XKR8: variants seen among roughly 807,000 people sequenced by gnomAD.
XKR8 encodes the protein XK-related protein 8.
Under a neutral mutation model 17.1 loss-of-function variants are expected in XKR8, and 10 were observed. The observed-to-expected ratio is 0.59, with a 90% confidence interval of 0.36 to 0.99. The LOEUF (loss-of-function observed/expected upper bound fraction) is 0.99. Among genes scored for constraint, XKR8 ranks in the 50% least tolerant of loss-of-function variants. The pLI is 0.01. For missense variants in XKR8, 411 were observed against 515.6 expected (o/e 0.80, Z 1.96); for synonymous variants, 213 against 251.9 (o/e 0.85, Z 1.46).
Position 27,959,990 on chromosome 1 carries a change from C to G in XKR8, c.-80C>G. On this transcript the variant is annotated 5_prime_UTR_variant, in exon 1 of 3. Transcript: ENST00000373884. The stretch of plus-strand genomic sequence containing the variant: ...GCCGCCCCGAGGGCTGCGCCCACCT[C>G]CTTCCTGCCTCGGCAACCCCGGGCC... 7.7e-7 allele frequency: 1 copy of G among 1,295,218 alleles called. No individual in the cohort carries two copies. The highest frequency in any genetic ancestry group is 1.6e-5 in the African/African-American group (1 of 63,936). The allele number at this position is 1,295,218 out of a possible 1,614,324, so 80.2% of individuals were successfully genotyped here.
chr1:27,965,401 C>T lies in XKR8; in HGVS notation c.491-1102C>T, dbSNP rs185347075. On this transcript the variant is annotated intron_variant, in intron 2 of 2. Coordinates refer to ENST00000373884, the MANE Select transcript of XKR8 (RefSeq NM_018053.4). This position sits in a 1 kb window ranked among gnomAD's most constrained non-coding sequence, Gnocchi z 4.1. The stretch of plus-strand genomic sequence containing the variant: ...GTGAGCAGAGTCTGTTTTCTACCCT[C>T]GAGGAGCCCAGAGATAAGGAAATAG... Among the ~76,000 whole-genome samples the T allele has an allele frequency of 5.2e-4, 79 of 152,254 alleles. No individual in the cohort carries two copies. The East Asian group carries it at 0.01, about 19-fold the overall frequency.
In XKR8 at chr1:27,960,534, C is replaced by G. The variant is rs1458315427; in HGVS notation, c.293+172C>G. On this transcript the variant is annotated intron_variant, in intron 1 of 2. Transcript: ENST00000373884. This position sits in a 1 kb window ranked among gnomAD's most constrained non-coding sequence, Gnocchi z 5.9. ...TGCAGCCCTTTACGGAAAGGGAATC[C>G]CGGTAGACTGCCTTCATTCTAGCCC... Among the ~76,000 whole-genome samples, 1 of 152,156 alleles carries G rather than the reference C, an allele frequency of 6.6e-6. No homozygotes were observed. The highest frequency in any genetic ancestry group is 1.5e-5 in the Non-Finnish European group (1 of 68,016).
intron 1 of XKR8, among the ~76,000 whole-genome samples, chr1:27,961,288 A>G (rs957008286): frequency 6.6e-6 from 1 of 152,198 alleles, no homozygotes; most frequent in African/African-American, 2.4e-5. Flanking sequence ...ATGGGAAAAC[A>G]AACCCAAGGC....
chr1:27,967,038 C>T lies in XKR8; in HGVS notation c.1026C>T (p.His342=). The T allele has an allele frequency of 1.2e-6, 2 of 1,613,932 alleles. No homozygotes were observed. Among genetic ancestry groups the T allele is most frequent in the Non-Finnish European group, 1.7e-6 (2 of 1,179,942 alleles). ...GGCTTGTGTACTACCACTGGCTGCA[C>T]CCTAGCTGCTGCTGGAAGCCCGACC... ...ALRLVYYHWL[H]PSCCWKPDPD... is the part of the protein sequence containing the mutation. Residue 342 remains histidine, a synonymous_variant, in exon 3 of 3, where the codon CAC becomes CAT. Transcript: ENST00000373884. The surrounding 1 kb of genome is among the most constrained non-coding windows in gnomAD (Gnocchi z 4.3).
rs1638559063 is a variant in XKR8, at chr1:27,965,898, G to A, written c.491-605G>A. Among the ~76,000 whole-genome samples, 1 of 152,100 alleles carries A rather than the reference G, an allele frequency of 6.6e-6. No homozygotes were observed. The highest frequency in any genetic ancestry group is 1.5e-5 in the Non-Finnish European group (1 of 67,992). ...AACCAGGAGGTGGGATAGGACCCCT[G>A]TTGTAAACTTCTGGATCTTGGAAAA... is the stretch of plus-strand genomic sequence containing the variant. On this transcript the variant is annotated intron_variant, in intron 2 of 2. Transcript: ENST00000373884. This position sits in a 1 kb window ranked among gnomAD's most constrained non-coding sequence, Gnocchi z 4.1.
chr1:27,960,280 G>C lies in XKR8; in HGVS notation c.211G>C (p.Asp71His), dbSNP rs986781389. 15 of 1,516,598 alleles carry C rather than the reference G, an allele frequency of 9.9e-6. No homozygotes were observed. The highest frequency in any genetic ancestry group is 1.3e-5 in the Non-Finnish European group (15 of 1,139,110). 93.9% of individuals were successfully genotyped at this position (1,516,598 alleles called of 1,614,324 possible). A position where few individuals can be genotyped will look rare whatever the true frequency, so the allele number is the denominator to read the frequency against. Residue 71 changes from aspartate to histidine, a missense_variant, in exon 1 of 3, where the codon GAC becomes CAC. Coordinates refer to ENST00000373884, the MANE Select transcript of XKR8 (RefSeq NM_018053.4). The surrounding 1 kb of genome is among the most constrained non-coding windows in gnomAD (Gnocchi z 5.9). The part of the protein sequence containing the change: ...QLFSWLWLRA[D>H]PAGLHGSQPP... Reference sequence around the variant, plus strand: ...CTTCAGCTGGCTCTGGCTGCGCGCTGACCCTGCCGGCCTGCACGGGTCGCA... The same window carrying C: ...CTTCAGCTGGCTCTGGCTGCGCGCTCACCCTGCCGGCCTGCACGGGTCGCA...
At position 27,963,493 on chromosome 1, in the gene XKR8, C is replaced by G; in HGVS notation, c.294-4C>G. ...CCCTCTGGGCATTTGTGTGTGGTGC[C>G]TAGGTGCGTGCAGGAGCTGCGGCAG... On this transcript the variant is annotated splice_region_variant and splice_polypyrimidine_tract_variant and intron_variant, in intron 1 of 2. Coordinates refer to ENST00000373884, the MANE Select transcript of XKR8 (RefSeq NM_018053.4). 2 of 1,606,014 alleles carry G rather than the reference C, an allele frequency of 1.2e-6. No homozygotes were observed. Among genetic ancestry groups the G allele is most frequent in the Non-Finnish European group, 1.7e-6 (2 of 1,175,628 alleles).
At chr1:27,961,637 T>C (rs1638471655) in intron 1 of XKR8, among the ~76,000 whole-genome samples, 1 of 152,170 alleles carries the variant, frequency 6.6e-6, no homozygotes, top group Non-Finnish European at 1.5e-5. Context: ...AGCTTTGGCT[T>C]TGGAAATGGG....
chr1:27,966,632 A>G lies in XKR8; in HGVS notation c.620A>G (p.Asn207Ser). The G allele has an allele frequency of 6.2e-7, 1 of 1,613,874 alleles. No homozygotes were observed. The highest frequency in any genetic ancestry group is 8.5e-7 in the Non-Finnish European group (1 of 1,179,952). Residue 207 changes from asparagine to serine, a missense_variant, in exon 3 of 3, where the codon AAC (asparagine) becomes AGC (serine). Transcript: ENST00000373884. This position sits in a 1 kb window ranked among gnomAD's most constrained non-coding sequence, Gnocchi z 4.3. ...TCCTCCGTGATCTACTTCCTGTGGAACCTGCTGCTGCTGTGGCCCCGAGTC... is the reference window on the plus strand; with the variant it reads ...TCCTCCGTGATCTACTTCCTGTGGAGCCTGCTGCTGCTGTGGCCCCGAGTC... ...LGSSVIYFLW[N>S]LLLLWPRVLA... is the part of the protein sequence containing the mutation.
chr1:27,964,912 C>T lies in XKR8; in HGVS notation c.490+1219C>T, dbSNP rs1173144427. The stretch of plus-strand genomic sequence containing the variant: ...GAAACCAGTCCTCACTCTACCGTCA[C>T]TCGCTGTGTGACCTGGAGAGCCTTC... On this transcript the variant is annotated intron_variant, in intron 2 of 2. Transcript: ENST00000373884. 2.0e-5 allele frequency among the ~76,000 whole-genome samples: 3 copies of T among 152,352 alleles called. No individual in the cohort carries two copies. The East Asian group carries it at 5.8e-4, about 29-fold the overall frequency.
chr1:27,964,128 G>A (rs1638523107), intron 2 of XKR8: 1 of 152,248 alleles, frequency 6.6e-6, no homozygotes, highest in South Asian at 2.1e-4. Context: ...GGGACTACAA[G>A]TGTGTATCAC....
In XKR8 at chr1:27,967,253, T is replaced by C. The variant is rs1019101866; in HGVS notation, c.*53T>C. 2.7e-6 allele frequency: 4 copies of C among 1,503,002 alleles called. No homozygotes were observed. The African/African-American group carries it at 5.6e-5, about 21-fold the overall frequency. The allele number at this position is 1,503,002 out of a possible 1,614,324, so 93.1% of individuals were successfully genotyped here. A position where few individuals can be genotyped will look rare whatever the true frequency, so the allele number is the denominator to read the frequency against. On this transcript the variant is annotated 3_prime_UTR_variant, in exon 3 of 3. Transcript: ENST00000373884. The surrounding 1 kb of genome is among the most constrained non-coding windows in gnomAD (Gnocchi z 4.3). ...AGACCCAGCCAGCAGAGATGGAGAG[T>C]GACTCTGTTGGCAGAAGGCAGGCGA... is the stretch of plus-strand genomic sequence containing the variant.
chr1:27,961,345 A>C (rs921548405), intron 1 of XKR8, among the ~76,000 whole-genome samples: 3 of 152,156 alleles, frequency 2.0e-5, no homozygotes, highest in African/African-American at 7.2e-5. Flanking sequence ...GTGGGTTGGG[A>C]TGGGGTGGCC....
At chr1:27,963,245 CT>C in intron 1 of XKR8, among the ~76,000 whole-genome samples, 1 of 152,346 alleles carries the variant, frequency 6.6e-6, no homozygotes, top group South Asian at 2.1e-4. Flanking sequence ...TGGTCTCAAT[CT>C]CCTGAACTCG....
Position 27,960,003 on chromosome 1 carries a change from G to A in XKR8, c.-67G>A. 4.5e-6 allele frequency: 6 copies of A among 1,328,050 alleles called. No individual in the cohort carries two copies. The highest frequency in any genetic ancestry group is 3.9e-6 in the Non-Finnish European group (4 of 1,038,172). The allele number at this position is 1,328,050 out of a possible 1,614,324, so 82.3% of individuals were successfully genotyped here. A position where few individuals can be genotyped will look rare whatever the true frequency, so the allele number is the denominator to read the frequency against. On this transcript the variant is annotated 5_prime_UTR_variant, in exon 1 of 3. Coordinates refer to ENST00000373884, the MANE Select transcript of XKR8 (RefSeq NM_018053.4). The surrounding 1 kb of genome is among the most constrained non-coding windows in gnomAD (Gnocchi z 5.9). ...CTGCGCCCACCTCCTTCCTGCCTCG[G>A]CAACCCCGGGCCCTGAGGGCAGGCC...
In XKR8 at chr1:27,963,675, C is replaced by T. The variant is rs764304666; in HGVS notation, c.472C>T (p.Arg158Trp). 3.0e-5 allele frequency: 47 copies of T among 1,581,122 alleles called. No homozygotes were observed. Among genetic ancestry groups the T allele is most frequent in the South Asian group, 1.3e-4 (11 of 87,090 alleles). The change falls in exon 2 of 3, where the codon CGG becomes TGG. Residue 158 changes from arginine to tryptophan, a missense_variant. Coordinates refer to ENST00000373884, the MANE Select transcript of XKR8 (RefSeq NM_018053.4). ...GCTGGCCATCATGCTGCAGAGTGGC[C>T]GGGCTGAGTACTACCAGTGTGAGTG... ...LVLAIMLQSG[R>W]AEYYQWVGIC...
intron 2 of XKR8, among the ~76,000 whole-genome samples, chr1:27,964,646 G>A (rs529792895): frequency 1.3e-5 from 2 of 152,240 alleles, no homozygotes; most frequent in South Asian, 4.1e-4. Context: ...AAGTAGCTAC[G>A]GTTGAGTGAC....
At position 27,963,581 on chromosome 1, in the gene XKR8, C is replaced by T. The variant is rs1254974415; in HGVS notation, c.378C>T (p.Leu126=). The change falls in exon 2 of 3, where the codon CTC becomes CTT. Residue 126 remains leucine (L), a synonymous_variant. Coordinates refer to ENST00000373884, the MANE Select transcript of XKR8 (RefSeq NM_018053.4). The part of the protein sequence containing the change: ...SEFDLAYADF[L]ALDISMLRLF... The stretch of plus-strand genomic sequence containing the variant: ...TTGACTTGGCCTACGCCGACTTCCT[C>T]GCCCTGGACATCAGCATGCTGCGGC... 8.7e-6 allele frequency: 14 copies of T among 1,614,100 alleles called. No homozygotes were observed. The highest frequency in any genetic ancestry group is 2.2e-5 in the East Asian group (1 of 44,896).
Position 27,964,859 on chromosome 1 carries a change from C to T in XKR8, c.490+1166C>T, listed in dbSNP as rs557851845. Reference sequence around the variant, plus strand: ...AGCCTTCCCCTTTGCCTTCCTCCACCGCTGCCATAAATGCCACAGCCTCTC... The same window carrying T: ...AGCCTTCCCCTTTGCCTTCCTCCACTGCTGCCATAAATGCCACAGCCTCTC... On this transcript the variant is annotated intron_variant, in intron 2 of 2. Transcript: ENST00000373884. 8.5e-5 allele frequency among the ~76,000 whole-genome samples: 13 copies of T among 152,238 alleles called. No homozygotes were observed. In the South Asian group the frequency reaches 1.7e-3, roughly 19 times the overall value.
Sources: gnomAD v4.1 joint callset for allele counts (sites outside exome capture counted in the v4.1 genomes callset) on GRCh38, gnomAD v4.1.1 for gene constraint, Gnocchi (gnomAD v3.1) non-coding constraint, MANE v1.5 for transcripts, NCBI Gene and HGNC (gene_info 2026-07-23, HGNC 2026-07-21) for gene names.